ITFG1: variants seen among roughly 807,000 people sequenced by gnomAD.
The protein encoded by ITFG1 is T-cell immunomodulatory protein.
In ITFG1, 34 loss-of-function variants were observed where a neutral mutation model predicts 81.8. The observed-to-expected ratio is 0.42, with a 90% CI of 0.32 to 0.55. The LOEUF is 0.55. Among genes scored for constraint, ITFG1 ranks in the 20% least tolerant of loss-of-function variants. The pLI is 0.17. For synonymous variants in ITFG1, 285 were observed against 270.6 expected, an observed-to-expected ratio of 1.05 and a Z score of -0.52; for missense variants, 672 against 755.4, an observed-to-expected ratio of 0.89 and a Z score of 1.29.
At chr16:47,323,751 TG>T (rs1967485142) in intron 8 of ITFG1, among the ~76,000 whole-genome samples, 1 of 152,060 alleles carries the variant, frequency 6.6e-6, no homozygotes, top group Admixed American at 6.6e-5. Context: ...GGGGTAGTAA[TG>T]GGGTGGACTG....
chr16:47,383,663 T>C (rs1222097963), intron 6 of ITFG1, among the ~76,000 whole-genome samples: 3 of 152,202 alleles, frequency 2.0e-5, no homozygotes. Flanking sequence ...CCCAACACTT[T>C]GGGAGGCCAA....
At chr16:47,244,534 A>C (rs1027785841) in intron 12 of ITFG1, among the ~76,000 whole-genome samples, 2 of 151,894 alleles carry the variant, frequency 1.3e-5, no homozygotes, top group African/African-American at 2.4e-5. Context: ...TAGACGAAAC[A>C]AAGTTTGGTT....
intron 8 of ITFG1, among the ~76,000 whole-genome samples, chr16:47,344,592 G>A (rs1254765254): frequency 1.3e-5 from 2 of 152,132 alleles, no homozygotes; most frequent in East Asian, 1.9e-4. Flanking sequence ...GTTACTATGT[G>A]TCATCCACCA....
At chr16:47,442,122 A>G (rs1969260164) in intron 5 of ITFG1, among the ~76,000 whole-genome samples, 1 of 152,204 alleles carries the variant, frequency 6.6e-6, no homozygotes, top group Non-Finnish European at 1.5e-5. Flanking sequence ...CCAACTTACA[A>G]GGGATGTGAA....
At chr16:47,206,466 C>T (rs139765471) in intron 14 of ITFG1, among the ~76,000 whole-genome samples, 2 of 152,162 alleles carry the variant, frequency 1.3e-5, no homozygotes, top group African/African-American at 2.4e-5. Context: ...TGACCACTAT[C>T]GAATTCCAGA....
intron 8 of ITFG1, among the ~76,000 whole-genome samples, chr16:47,330,878 T>G (rs1967628002): frequency 1.3e-5 from 2 of 152,156 alleles, no homozygotes; most frequent in Admixed American, 1.3e-4. Flanking sequence ...TTGGTGGAAA[T>G]GTAAATTAAT....
intron 12 of ITFG1, among the ~76,000 whole-genome samples, chr16:47,248,861 G>A (rs930956520): frequency 1.3e-5 from 2 of 152,168 alleles, no homozygotes; most frequent in African/African-American, 4.8e-5. Flanking sequence ...ATGGAAAAGG[G>A]AAATTTAACA....
At chr16:47,340,232 AT>A (rs1216800713) in intron 8 of ITFG1, among the ~76,000 whole-genome samples, 3 of 152,194 alleles carry the variant, frequency 2.0e-5, no homozygotes, top group Admixed American at 2.0e-4. Context: ...AAAAAAAATT[AT>A]TGGTAAAAGC....
intron 14 of ITFG1, among the ~76,000 whole-genome samples, chr16:47,194,502 A>G (rs1965332069): frequency 6.6e-6 from 1 of 152,200 alleles, no homozygotes; most frequent in African/African-American, 2.4e-5. Context: ...AAGTTTATAG[A>G]AGAAAGGGCT....
chr16:47,241,919 T>C (rs1461099648), intron 12 of ITFG1, among the ~76,000 whole-genome samples: 1 of 145,142 alleles, frequency 6.9e-6, no homozygotes, highest in Non-Finnish European at 1.5e-5. Flanking sequence ...GCGCCACTGC[T>C]CTCCAGCCTG....
intron 14 of ITFG1, among the ~76,000 whole-genome samples, chr16:47,203,648 T>C (rs994542167): frequency 3.3e-5 from 5 of 152,154 alleles, no homozygotes; most frequent in Non-Finnish European, 5.9e-5. Context: ...CAGCGGCTGA[T>C]CTGACAGGAG....
At chr16:47,343,219 G>A (rs1239179806) in intron 8 of ITFG1, among the ~76,000 whole-genome samples, 1 of 152,096 alleles carries the variant, frequency 6.6e-6, no homozygotes, top group Non-Finnish European at 1.5e-5. Flanking sequence ...AGGGTACCCA[G>A]TCCACTTACT....
rs1224435561 is a variant in ITFG1 at position 47,162,541 on chromosome 16, T to C, written c.1577A>G (p.Lys526Arg). ...YVGIPRPSGE[K>R]SIRKQEWTAI... Reference sequence around the variant, plus strand: ...TAAACAAAATGAATTTTTACTCACTTTTTCTCCAGATGGACGGGGAATACC... The same window carrying C: ...TAAACAAAATGAATTTTTACTCACTCTTTCTCCAGATGGACGGGGAATACC... The change falls in exon 15 of 18, where the codon AAA (lysine) becomes AGA (arginine). Residue 526 changes from lysine to arginine, a missense_variant and splice_region_variant. Lys to Arg is a conservative substitution (Grantham distance 26). Around this residue, in one of 3 missense-constraint regions of ITFG1, gnomAD observed 560 missense variants for 625.7 expected, o/e 0.90. Transcript: ENST00000320640. The C allele has an allele frequency of 6.3e-7, 1 of 1,598,868 alleles. No individual in the cohort carries two copies.
intron 6 of ITFG1, among the ~76,000 whole-genome samples, chr16:47,417,538 T>G (rs2151605280): frequency 1.3e-5 from 2 of 152,302 alleles, no homozygotes; most frequent in South Asian, 4.1e-4. Context: ...CACTCTTTTT[T>G]CATCTCCCAC....
chr16:47,234,078 C>A (rs1333826042), intron 13 of ITFG1, among the ~76,000 whole-genome samples: 3 of 152,114 alleles, frequency 2.0e-5, no homozygotes, highest in Non-Finnish European at 4.4e-5. Context: ...TACATCATAT[C>A]CAGCTTTCAA....
intron 13 of ITFG1, among the ~76,000 whole-genome samples, chr16:47,233,178 G>GA (rs1175199028): frequency 6.6e-6 from 1 of 152,066 alleles, no homozygotes; most frequent in African/African-American, 2.4e-5. Flanking sequence ...CTCATAATAA[G>GA]AAAAAAGCAA....
At chr16:47,427,180 A>G (rs1969033764) in intron 6 of ITFG1, among the ~76,000 whole-genome samples, 1 of 152,206 alleles carries the variant, frequency 6.6e-6, no homozygotes, top group African/African-American at 2.4e-5. Flanking sequence ...ATAATCATTC[A>G]TACCTCCTAA....
In ITFG1 at chr16:47,296,583, A is replaced by C. The variant is rs918741940; in HGVS notation, c.1070+14657T>G. On this transcript the variant is annotated intron_variant, in intron 10 of 17. Coordinates refer to ENST00000320640, the MANE Select transcript of ITFG1 (RefSeq NM_030790.5). ...CCTGAGTAGCTGGGATTACAGGTAC[A>C]CGCCATCACGTCCAGTTAATTTTTG... 4.6e-5 allele frequency among the ~76,000 whole-genome samples: 7 copies of C among 152,088 alleles called. No individual in the cohort carries two copies. In the East Asian group the frequency reaches 1.4e-3, roughly 30 times the overall value.
At chr16:47,336,949 C>T (rs1441465901) in intron 8 of ITFG1, among the ~76,000 whole-genome samples, 1 of 145,982 alleles carries the variant, frequency 6.9e-6, no homozygotes, top group South Asian at 2.2e-4. Flanking sequence ...TGGGACACAG[C>T]GAGACTCCAT....
Sources: allele counts gnomAD v4.1 joint callset (sites outside exome capture counted in the v4.1 genomes callset), GRCh38; gene constraint gnomAD v4.1.1; regional missense constraint gnomAD v4.1.1; transcripts MANE v1.5; gene names NCBI Gene and HGNC (gene_info 2026-07-23, HGNC 2026-07-21).